Variants in SUPT6H observed in about 807,000 individuals in gnomAD.
SUPT6H encodes the protein SPT6 homolog, histone chaperone and transcription elongation factor, also known as transcription elongation factor SPT6.
Under a neutral mutation model 222.3 loss-of-function variants are expected in SUPT6H, and 11 were observed. That is an observed-to-expected ratio of 0.05 (90% CI 0.03 to 0.08). The LOEUF is 0.08. Among genes scored for constraint, SUPT6H ranks in the 10% least tolerant of loss-of-function variants. The pLI, the probability that SUPT6H is intolerant of heterozygous loss-of-function variation, is 1.00. For missense variants in SUPT6H, 1,422 were observed against 2,216.0 expected (o/e 0.64, Z 7.19); for synonymous variants, 762 against 801.2 (o/e 0.95, Z 0.83).
At chr17:28,680,150 C>G (rs1249814002) in intron 11 of SUPT6H, among the ~76,000 whole-genome samples, 1 of 149,054 alleles carries the variant, frequency 6.7e-6, no homozygotes, top group Non-Finnish European at 1.5e-5. Flanking sequence ...ACTAAAAATA[C>G]AAAAAATTAG....
In SUPT6H at chr17:28,695,429, A is replaced by C; in HGVS notation, c.3852A>C (p.Ser1284=). ...GTGCAGACCTGACCTGCCGCACCTC[A>C]GACCTCATGGACAGGAACAATGAGT... is the stretch of plus-strand genomic sequence containing the variant. ...KFSADLTCRT[S]DLMDRNNEWK... Residue 1284 remains serine, a synonymous_variant, in exon 29 of 37, where the codon TCA becomes TCC. Coordinates refer to ENST00000314616, the MANE Select transcript of SUPT6H (RefSeq NM_003170.5). 6.2e-7 allele frequency: 1 copy of C among 1,614,176 alleles called. No individual in the cohort carries two copies. Among genetic ancestry groups the C allele is most frequent in the East Asian group, 2.2e-5 (1 of 44,876 alleles).
chr17:28,686,254 A>C, intron 19 of SUPT6H, 85 bp from the exon 20 acceptor site: 1 of 1,235,810 alleles, frequency 8.1e-7, no homozygotes, highest in Admixed American at 1.8e-5. Context: ...TCCAGTTCTT[A>C]CAAGATCTCC....
chr17:28,686,593 C>T (rs1017463527), intron 20 of SUPT6H, 61 bp from the exon 21 acceptor site: 2 of 1,548,314 alleles, frequency 1.3e-6, no homozygotes, highest in African/African-American at 2.7e-5. Context: ...ACCCCCAAGG[C>T]AGTCATGAGA....
chr17:28,689,150 G>A, intron 24 of SUPT6H: 1 of 563,222 alleles, frequency 1.8e-6, no homozygotes, highest in Non-Finnish European at 3.1e-6. Context: ...TGTTTTTGCA[G>A]TGCATTTTTC....
intron 19 of SUPT6H, 137 bp from the exon 20 acceptor site, chr17:28,686,202 A>G (rs1597707405): frequency 1.3e-5 from 10 of 742,748 alleles, no homozygotes; most frequent in African/African-American, 3.5e-5. Context: ...AGGTGGGAAT[A>G]GTTCCTTGGT....
chr17:28,689,162 C>T, intron 24 of SUPT6H, 192 bp from the exon 25 acceptor site: 3 of 571,612 alleles, frequency 5.2e-6, no homozygotes, highest in Non-Finnish European at 9.2e-6. Flanking sequence ...GCATTTTTCA[C>T]GTATCAATAT....
Position 28,689,389 on chromosome 17 carries a change from G to T in SUPT6H, c.3170G>T (p.Arg1057Leu). Reference protein sequence around the residue: ...DSYIEVLDGSRVHPETYEWAR... With the variant: ...DSYIEVLDGSLVHPETYEWAR... ...TATATTGAAGTCCTTGATGGTTCCC[G>T]TGTCCACCCTGAGACTTATGAGTGG... Residue 1057 changes from arginine (R) to leucine (L), a missense_variant, in exon 25 of 37, where the codon CGT becomes CTT. Coordinates refer to ENST00000314616, the MANE Select transcript of SUPT6H (RefSeq NM_003170.5). 6.2e-7 allele frequency: 1 copy of T among 1,614,134 alleles called. No individual in the cohort carries two copies. The highest frequency in any genetic ancestry group is 8.5e-7 in the Non-Finnish European group (1 of 1,180,038).
At chr17:28,696,575 G>A (rs1240305357) in intron 29 of SUPT6H, among the ~76,000 whole-genome samples, 1 of 142,100 alleles carries the variant, frequency 7.0e-6, no homozygotes, top group East Asian at 2.1e-4. Context: ...GTGACAAAAT[G>A]AGACTGTCTC....
intron 24 of SUPT6H, chr17:28,689,072 A>G: frequency 2.9e-6 from 1 of 349,446 alleles, no homozygotes; most frequent in Non-Finnish European, 5.2e-6. Flanking sequence ...AGTTTTTCTA[A>G]ATTTTATTTT....
chr17:28,683,246 G>A, intron 15 of SUPT6H, 22 bp from the exon 16 acceptor site: 3 of 1,611,320 alleles, frequency 1.9e-6, no homozygotes, highest in Non-Finnish European at 2.5e-6. Flanking sequence ...GCAGGCTCAT[G>A]ATTCCCCCTT....
chr17:28,686,263 C>T, intron 19 of SUPT6H, 76 bp from the exon 20 acceptor site: 1 of 1,341,170 alleles, frequency 7.5e-7, no homozygotes, highest in East Asian at 2.3e-5. Context: ...TACAAGATCT[C>T]CAACATAGGG....
rs780863184 is a variant in SUPT6H at position 28,696,863 on chromosome 17, C to T, written c.3990C>T (p.Ile1330=). 11 of 1,613,810 alleles carry T rather than the reference C, an allele frequency of 6.8e-6. No individual in the cohort carries two copies. The highest frequency in any genetic ancestry group is 2.7e-5 in the African/African-American group (2 of 74,832). ...TTTCAGCATACATCAAGAGAGTGAT[C>T]GCACACCCATCCTTCCATAATATCA... ...QQRTTYIKRV[I]AHPSFHNINF... The change falls in exon 30 of 37, where the codon ATC becomes ATT. Residue 1330 remains isoleucine (I), a synonymous_variant. Transcript: ENST00000314616.
At chr17:28,663,828 A>ATTTTTT (rs71135839) in intron 1 of SUPT6H, among the ~76,000 whole-genome samples, 2,592 of 38,296 alleles carry the variant, frequency 0.068, 872 homozygotes, top group South Asian at 0.14. Flanking sequence ...TGCCCACTCC[A>ATTTTTT]TTTTTTTTTT....
At chr17:28,695,216 A>G in intron 28 of SUPT6H, 136 bp from the exon 29 acceptor site, 1 of 834,966 alleles carries the variant, frequency 1.2e-6, no homozygotes, top group Admixed American at 2.7e-5. Flanking sequence ...TCTGCCATTC[A>G]GCAGCTGGCT....
At chr17:28,696,505 T>C (rs1159116561) in intron 29 of SUPT6H, among the ~76,000 whole-genome samples, 1 of 149,890 alleles carries the variant, frequency 6.7e-6, no homozygotes, top group East Asian at 2.0e-4. Flanking sequence ...GGAGAATTGC[T>C]TGAACCTAGG....
At chr17:28,689,160 C>T (rs751281698) in intron 24 of SUPT6H, 194 bp from the exon 25 acceptor site, 9 of 569,610 alleles carry the variant, frequency 1.6e-5, no homozygotes, top group Admixed American at 6.7e-5. Flanking sequence ...GTGCATTTTT[C>T]ACGTATCAAT....
intron 4 of SUPT6H, 25 bp downstream of exon 4, chr17:28,674,638 T>TC: frequency 6.2e-7 from 1 of 1,608,378 alleles, no homozygotes; most frequent in Non-Finnish European, 8.5e-7. Context: ...TTGTCTTTTG[T>TC]CCCTGGGGGT....
chr17:28,699,052 A>T (rs1409149930), intron 32 of SUPT6H, among the ~76,000 whole-genome samples: 1 of 152,224 alleles, frequency 6.6e-6, no homozygotes, highest in African/African-American at 2.4e-5. Context: ...AAGAGTTAGG[A>T]GGCAGGTGTC....
At chr17:28,695,935 G>A (rs1045345484) in intron 29 of SUPT6H, among the ~76,000 whole-genome samples, 2 of 152,166 alleles carry the variant, frequency 1.3e-5, no homozygotes, top group African/African-American at 4.8e-5. Context: ...GGCCAAGGCA[G>A]GAGGAGCACT....
Sources: allele counts gnomAD v4.1 joint callset (sites outside exome capture counted in the v4.1 genomes callset), GRCh38; gene constraint gnomAD v4.1.1; transcripts MANE v1.5; gene names NCBI Gene and HGNC (gene_info 2026-07-23, HGNC 2026-07-21).